The following JAML variants were observed in gnomAD, a reference collection of about 807,000 sequenced individuals.
JAML encodes the protein junction adhesion molecule like, also known as junctional adhesion molecule-like.
A neutral mutation model predicts 39.3 loss-of-function variants in JAML; 25 were observed. The observed-to-expected ratio is 0.64, with a 90% CI of 0.46 to 0.89. The LOEUF is 0.89. Ranked by LOEUF, JAML falls within the 40% of genes least tolerant of loss-of-function variation. The probability of loss-of-function intolerance (pLI) is 0.00; values close to 1 mark genes in which losing one functional copy is unlikely to be tolerated. For synonymous variants in JAML, 162 were observed against 179.2 expected, an observed-to-expected ratio of 0.90 and a Z score of 0.77; for missense variants, 440 against 486.9, an observed-to-expected ratio of 0.90 and a Z score of 0.91.
intron 1 of JAML, among the ~76,000 whole-genome samples, chr11:118,216,188 G>A (rs895179962): frequency 6.6e-6 from 1 of 151,998 alleles, no homozygotes; most frequent in African/African-American, 2.4e-5. Flanking sequence ...TGGCTAACAC[G>A]GTGAAACCCC....
intron 1 of JAML, among the ~76,000 whole-genome samples, chr11:118,218,510 G>C (rs1949172431): frequency 6.6e-6 from 1 of 152,096 alleles, no homozygotes. Context: ...CCACCCCCAA[G>C]ACTATAAGCT....
intron 1 of JAML, among the ~76,000 whole-genome samples, chr11:118,218,615 G>A (rs1591481946): frequency 6.6e-6 from 1 of 152,146 alleles, no homozygotes; most frequent in South Asian, 2.1e-4. Context: ...CTTGTCAAAT[G>A]AGTTCATAAC....
chr11:118,213,343 G>C, intron 2 of JAML: 1 of 1,003,588 alleles, frequency 1.0e-6, no homozygotes, highest in Non-Finnish European at 1.2e-6. Context: ...GTTCATATCA[G>C]AGAAGAGCCA....
chr11:118,220,087 T>C (rs1164993821), intron 1 of JAML, among the ~76,000 whole-genome samples: 2 of 152,154 alleles, frequency 1.3e-5, no homozygotes, highest in East Asian at 1.9e-4. Flanking sequence ...TGTGTCACAA[T>C]TGGCACACAT....
In JAML at chr11:118,213,062, C is replaced by T. The variant is rs2134671067; in HGVS notation, c.44-501G>A. 3 of 1,575,140 alleles carry T rather than the reference C, an allele frequency of 1.9e-6. No individual in the cohort carries two copies. In the South Asian group the frequency reaches 3.5e-5, roughly 18 times the overall value. ...GGCTGATTCTGGCTGTAGGGCAGGTCCTTGTAATTAGGCCACCACAGAGCA... is the reference window on the plus strand; with the variant it reads ...GGCTGATTCTGGCTGTAGGGCAGGTTCTTGTAATTAGGCCACCACAGAGCA... On this transcript the variant is annotated intron_variant, in intron 2 of 9. Coordinates refer to ENST00000356289, the MANE Select transcript of JAML (RefSeq NM_001098526.2).
chr11:118,203,306 G>C, intron 6 of JAML, 122 bp downstream of exon 6: 1 of 886,842 alleles, frequency 1.1e-6, no homozygotes, highest in Non-Finnish European at 1.9e-6. Flanking sequence ...GCCAGAGTCA[G>C]CACCTGAGAG....
At chr11:118,203,375 G>A (rs567843491) in intron 6 of JAML, 53 bp downstream of exon 6, 48 of 1,498,764 alleles carry the variant, frequency 3.2e-5, no homozygotes, top group Middle Eastern at 2.1e-4. Flanking sequence ...TAGTCCTGGC[G>A]CCATGCACCA....
chr11:118,212,161 A>C (rs898608282), intron 3 of JAML, among the ~76,000 whole-genome samples: 1 of 152,242 alleles, frequency 6.6e-6, no homozygotes, highest in South Asian at 2.1e-4. Flanking sequence ...AAGCATTACC[A>C]TTATTGTAAT....
intron 2 of JAML, chr11:118,212,920 C>A (rs184038391): frequency 2.5e-6 from 4 of 1,614,102 alleles, no homozygotes; most frequent in Admixed American, 3.3e-5. Context: ...CTTACCATAA[C>A]GACGAAATGG....
At chr11:118,198,855 C>A (rs765233954) in intron 7 of JAML, among the ~76,000 whole-genome samples, 5 of 152,174 alleles carry the variant, frequency 3.3e-5, no homozygotes, top group Admixed American at 6.5e-5. Flanking sequence ...CCCGTCACCC[C>A]ATGGGATCCA....
At chr11:118,203,173 A>G in intron 6 of JAML, 1 of 631,772 alleles carries the variant, frequency 1.6e-6, no homozygotes, top group South Asian at 1.5e-5. Context: ...CTGGCAGAGG[A>G]TTGGTATTCA....
intron 7 of JAML, among the ~76,000 whole-genome samples, chr11:118,200,093 G>A (rs1201050752): frequency 2.0e-5 from 3 of 152,066 alleles, no homozygotes; most frequent in Non-Finnish European, 4.4e-5. Flanking sequence ...TAAAACCACT[G>A]GCAACCCTTA....
rs774985542 is a variant in JAML at position 118,205,867 on chromosome 11, T to C, written c.534+15A>G. ...CAGAGCCTTCTCTAACACAGTGATGTTTCCTCCTTGTTACCTTTGCGCGCC... is the reference window on the plus strand; with the variant it reads ...CAGAGCCTTCTCTAACACAGTGATGCTTCCTCCTTGTTACCTTTGCGCGCC... On this transcript the variant is annotated intron_variant, in intron 5 of 9. Coordinates refer to ENST00000356289, the MANE Select transcript of JAML (RefSeq NM_001098526.2). 7 of 1,606,238 alleles carry C rather than the reference T, an allele frequency of 4.4e-6. No individual in the cohort carries two copies. In the East Asian group the frequency reaches 8.9e-5, roughly 20 times the overall value.
chr11:118,207,325 G>A lies in JAML; in HGVS notation c.425-1334C>T, dbSNP rs1948938380. Among the ~76,000 whole-genome samples, 3 of 152,140 alleles carry A rather than the reference G, an allele frequency of 2.0e-5. No homozygotes were observed. The South Asian group carries it at 6.2e-4, about 32-fold the overall frequency. On this transcript the variant is annotated intron_variant, in intron 4 of 9. Coordinates refer to ENST00000356289, the MANE Select transcript of JAML (RefSeq NM_001098526.2). ...CATTACAATATTTTGAGGTTTGTAT[G>A]ACTACTCTCCCATTTTACAGAGAAG...
chr11:118,197,850 T>C (rs1948692072), intron 8 of JAML, 148 bp downstream of exon 8: 4 of 707,348 alleles, frequency 5.7e-6, no homozygotes, highest in Non-Finnish European at 9.6e-6. Flanking sequence ...GCTCTTACTT[T>C]AGTGACAAAG....
Position 118,212,260 on chromosome 11 carries a change from T to A in JAML, c.198+147A>T, listed in dbSNP as rs1184025334. 3 of 957,386 alleles carry A rather than the reference T, an allele frequency of 3.1e-6. No individual in the cohort carries two copies. The African/African-American group carries it at 4.9e-5, about 16-fold the overall frequency. The allele number at this position is 957,386 out of a possible 1,614,324, so 59.3% of individuals were successfully genotyped here. A position where few individuals can be genotyped will look rare whatever the true frequency, so the allele number is the denominator to read the frequency against. ...TGATAACATAACCAAATTCCTGAGC[T>A]AGGACGAGGCCCAGTTCTGATAATC... On this transcript the variant is annotated intron_variant, in intron 3 of 9. Transcript: ENST00000356289.
chr11:118,213,439 G>T, intron 2 of JAML: 15 of 525,468 alleles, frequency 2.9e-5, no homozygotes, highest in Non-Finnish European at 3.2e-5. Flanking sequence ...TGCCCCAACA[G>T]TAGGCTCACA....
intron 2 of JAML, chr11:118,213,128 T>G (rs1949094148): frequency 1.4e-6 from 2 of 1,428,768 alleles, no homozygotes; most frequent in Non-Finnish European, 1.8e-6. Flanking sequence ...ATCCTCTCCC[T>G]GCCTCACCCC....
chr11:118,213,847 C>T (rs548583956), intron 2 of JAML, among the ~76,000 whole-genome samples: 61 of 152,294 alleles, frequency 4.0e-4, no homozygotes, highest in Non-Finnish European at 7.4e-4. Flanking sequence ...CAAAAACCTG[C>T]AGGCTGCTCC....
Sources: gnomAD v4.1 joint callset for allele counts (sites outside exome capture counted in the v4.1 genomes callset) on GRCh38, gnomAD v4.1.1 for gene constraint, MANE v1.5 for transcripts, NCBI Gene and HGNC (gene_info 2026-07-23, HGNC 2026-07-21) for gene names.